The following PLEKHM2 variants were observed in gnomAD, a reference collection of about 807,000 sequenced individuals.
PLEKHM2 encodes the protein pleckstrin homology and RUN domain containing M2.
Under a neutral mutation model 116.3 loss-of-function variants are expected in PLEKHM2, and 77 were observed. That is an observed-to-expected ratio of 0.66 (90% CI 0.55 to 0.80). The LOEUF is 0.80. Among genes scored for constraint, PLEKHM2 ranks in the 30% least tolerant of loss-of-function variants. The probability of loss-of-function intolerance (pLI) is 0.00; values close to 1 mark genes in which losing one functional copy is unlikely to be tolerated. For synonymous variants in PLEKHM2, 562 were observed against 571.0 expected (o/e 0.98, Z 0.22); for missense variants, 1,183 against 1,354.9 (o/e 0.87, Z 1.99).
chr1:15,710,061 A>T (rs1641300158), intron 1 of PLEKHM2, among the ~76,000 whole-genome samples: 1 of 150,988 alleles, frequency 6.6e-6, no homozygotes, highest in African/African-American at 2.4e-5. Context: ...CATCTCCACT[A>T]AAAAAAATAC....
At chr1:15,724,632 C>G (rs1361218062) in intron 7 of PLEKHM2, among the ~76,000 whole-genome samples, 1 of 152,166 alleles carries the variant, frequency 6.6e-6, no homozygotes, top group African/African-American at 2.4e-5. Flanking sequence ...CCCCTTCGCA[C>G]CTTGCTCTCA....
intron 1 of PLEKHM2, among the ~76,000 whole-genome samples, chr1:15,696,540 G>A (rs1277542928): frequency 2.0e-5 from 3 of 152,010 alleles, no homozygotes; most frequent in Admixed American, 6.6e-5. Context: ...TAGTAGAGAC[G>A]GGGTTTCATC....
At chr1:15,712,151 A>G (rs1369257648) in intron 1 of PLEKHM2, among the ~76,000 whole-genome samples, 3 of 151,962 alleles carry the variant, frequency 2.0e-5, no homozygotes, top group Non-Finnish European at 4.4e-5. Flanking sequence ...AGCTGCAACA[A>G]ATAACAAAAA....
chr1:15,715,132 T>C (rs1008960868), intron 1 of PLEKHM2, among the ~76,000 whole-genome samples: 2 of 152,196 alleles, frequency 1.3e-5, no homozygotes, highest in African/African-American at 4.8e-5. Context: ...ATATCCAGCA[T>C]TGCAGGCAAT....
At position 15,719,470 on chromosome 1, in the gene PLEKHM2, TAGAG is replaced by T. The variant is rs367634718; in HGVS notation, c.466-252_466-249del. Among the ~76,000 whole-genome samples, 4,602 of 150,522 alleles carry T rather than the reference TAGAG, an allele frequency of 0.031. 238 individuals are homozygous for T. The highest frequency in any genetic ancestry group is 0.1 in the African/African-American group (4,301 of 41,024). ...TGTCTCAAAAAAAAAAATAAATAAATAGAGAGAGAGAGAGATAGCGGGGGCATCA... is the reference window on the plus strand; with the variant it reads ...TGTCTCAAAAAAAAAAATAAATAAATAGAGAGAGAGATAGCGGGGGCATCA... On this transcript the variant is annotated intron_variant, in intron 5 of 19. Transcript: ENST00000375799. This position sits in a 1 kb window ranked among gnomAD's most constrained non-coding sequence, Gnocchi z 4.1.
In PLEKHM2 at chr1:15,719,900, C is replaced by A; in HGVS notation, c.632C>A (p.Ala211Glu). 6.2e-7 allele frequency: 1 copy of A among 1,613,050 alleles called. No homozygotes were observed. Among genetic ancestry groups the A allele is most frequent in the Non-Finnish European group, 8.5e-7 (1 of 1,179,392 alleles). ...TSTNLEWDDS[A>E]IAPSSEDYDF... ...ACCAACCTGGAGTGGGATGACAGTG[C>A]GATTGCCCCATCTAGTGAGGGTGAG... The change falls in exon 6 of 20, where the codon GCG becomes GAG. Residue 211 changes from alanine (A) to glutamate (E), a missense_variant. Physicochemically the swap from Ala to Glu is moderately radical, Grantham distance 107. Transcript: ENST00000375799. The surrounding 1 kb of genome is among the most constrained non-coding windows in gnomAD (Gnocchi z 4.1).
At chr1:15,696,016 T>A (rs1193618194) in intron 1 of PLEKHM2, among the ~76,000 whole-genome samples, 14 of 151,424 alleles carry the variant, frequency 9.2e-5, no homozygotes, top group African/African-American at 1.9e-4. Context: ...AGTTTTGCCA[T>A]GTCGCCTAGG....
intron 17 of PLEKHM2, 73 bp from the exon 18 acceptor site, chr1:15,732,277 C>T (rs551423593): frequency 2.3e-6 from 3 of 1,293,344 alleles, no homozygotes; most frequent in African/African-American, 2.9e-5. Context: ...CTGGCTGGTC[C>T]CCTGGAGTGT....
In PLEKHM2 at chr1:15,717,915, C is replaced by T; in HGVS notation, c.300C>T (p.Ala100=). The T allele has an allele frequency of 3.8e-6, 6 of 1,597,706 alleles. No individual in the cohort carries two copies. The highest frequency in any genetic ancestry group is 2.6e-6 in the Non-Finnish European group (3 of 1,171,910). ...CAGGCCGTGCCTGGCTGTACCTGGC[C>T]CTCAACGAGAACTCCTTGGAGAGCT... ...LGRSRAWLYL[A]LNENSLESYL... The change falls in exon 4 of 20, where the codon GCC becomes GCT. Residue 100 remains alanine, a synonymous_variant. Coordinates refer to ENST00000375799, the MANE Select transcript of PLEKHM2 (RefSeq NM_015164.4).
chr1:15,709,553 T>C (rs1197141757), intron 1 of PLEKHM2, among the ~76,000 whole-genome samples: 3 of 152,064 alleles, frequency 2.0e-5, no homozygotes, highest in Non-Finnish European at 2.9e-5. Flanking sequence ...ATTTTGCAGA[T>C]GAGAAAAAAT....
chr1:15,710,607 G>GT (rs1397800785), intron 1 of PLEKHM2, among the ~76,000 whole-genome samples: 1 of 152,026 alleles, frequency 6.6e-6, no homozygotes, highest in African/African-American at 2.4e-5. Context: ...GATTACAGGC[G>GT]TAAGCCACTG....
Position 15,729,844 on chromosome 1 carries a change from A to G in PLEKHM2, c.2123A>G (p.Glu708Gly). 1 of 1,613,368 alleles carries G rather than the reference A, an allele frequency of 6.2e-7. No homozygotes were observed. ...TCAGCCATGATCAAAGGCTGTCGAG[A>G]ACCTCCCTACCCCAGCATCCTGACG... is the stretch of plus-strand genomic sequence containing the variant. ...LKSAMIKGCR[E>G]PPYPSILTDA... Residue 708 changes from glutamate to glycine, a missense_variant, in exon 14 of 20, where the codon GAA becomes GGA. Physicochemically the swap from Glu to Gly is moderately conservative, Grantham distance 98. Transcript: ENST00000375799. This position sits in a 1 kb window ranked among gnomAD's most constrained non-coding sequence, Gnocchi z 4.7.
At chr1:15,695,910 T>C (rs1186646597) in intron 1 of PLEKHM2, among the ~76,000 whole-genome samples, 1 of 151,884 alleles carries the variant, frequency 6.6e-6, no homozygotes, top group Non-Finnish European at 1.5e-5. Flanking sequence ...CAAGTAATCC[T>C]CCTACCTCAG....
At chr1:15,702,102 T>A (rs1431067074) in intron 1 of PLEKHM2, among the ~76,000 whole-genome samples, 2 of 152,166 alleles carry the variant, frequency 1.3e-5, no homozygotes, top group Non-Finnish European at 2.9e-5. Flanking sequence ...GGGATCTGCC[T>A]TGTAAGGGAG....
In PLEKHM2 at chr1:15,727,906, G is replaced by C. The variant is rs2068087800; in HGVS notation, c.1760+74G>C. The C allele has an allele frequency of 2.3e-6, 3 of 1,307,434 alleles. No individual in the cohort carries two copies. The highest frequency in any genetic ancestry group is 1.4e-5 in the South Asian group (1 of 71,898). The allele number at this position is 1,307,434 out of a possible 1,614,324, so 81.0% of individuals were successfully genotyped here. ...GGGGACACTGTGCCTCTGACCTCCAGATAAATTAAGCACTAGGAAGACCTA... is the reference window on the plus strand; with the variant it reads ...GGGGACACTGTGCCTCTGACCTCCACATAAATTAAGCACTAGGAAGACCTA... On this transcript the variant is annotated intron_variant, in intron 9 of 19. Transcript: ENST00000375799. The surrounding 1 kb of genome is among the most constrained non-coding windows in gnomAD (Gnocchi z 7.5).
Position 15,729,338 on chromosome 1 carries a change from CAGAG to C in PLEKHM2, c.2075+151_2075+154del. On this transcript the variant is annotated intron_variant, in intron 13 of 19. Coordinates refer to ENST00000375799, the MANE Select transcript of PLEKHM2 (RefSeq NM_015164.4). This position sits in a 1 kb window ranked among gnomAD's most constrained non-coding sequence, Gnocchi z 4.7. ...ATTCCCTCTGGAACCTGCATCTGCTCAGAGAGGCAGGCAAGTAGACGACAATCAT... is the reference window on the plus strand; with the variant it reads ...ATTCCCTCTGGAACCTGCATCTGCTCAGGCAGGCAAGTAGACGACAATCAT... 2 of 708,796 alleles carry C rather than the reference CAGAG, an allele frequency of 2.8e-6. No individual in the cohort carries two copies. The highest frequency in any genetic ancestry group is 2.7e-5 in the East Asian group (1 of 36,790). 43.9% of individuals were successfully genotyped at this position (708,796 alleles called of 1,614,324 possible). A position where few individuals can be genotyped will look rare whatever the true frequency, so the allele number is the denominator to read the frequency against.
chr1:15,724,951 C>T (rs150033080), intron 7 of PLEKHM2, among the ~76,000 whole-genome samples: 15 of 152,282 alleles, frequency 9.9e-5, no homozygotes, highest in African/African-American at 3.6e-4. Context: ...TGCAGCCTGG[C>T]TCCTCTCTAG....
In PLEKHM2 at chr1:15,721,443, A is replaced by T; in HGVS notation, c.712+55A>T. 9.3e-7 allele frequency: 1 copy of T among 1,072,406 alleles called. No individual in the cohort carries two copies. The highest frequency in any genetic ancestry group is 1.4e-6 in the Non-Finnish European group (1 of 714,206). The allele number at this position is 1,072,406 out of a possible 1,614,324, so 66.4% of individuals were successfully genotyped here. On this transcript the variant is annotated intron_variant, in intron 7 of 19. Transcript: ENST00000375799. This position sits in a 1 kb window ranked among gnomAD's most constrained non-coding sequence, Gnocchi z 5.1. Reference sequence around the variant, plus strand: ...TCCTGTTTTGCAATGTTTCCATGCCAAGCTTGCTGCATGTATCAAATCAGC... The same window carrying T: ...TCCTGTTTTGCAATGTTTCCATGCCTAGCTTGCTGCATGTATCAAATCAGC...
Position 15,733,898 on chromosome 1 carries a change from C to G in PLEKHM2, c.3024C>G (p.Leu1008=), listed in dbSNP as rs1342848467. ...IHSAWQRSDS[L]CRGRASRDPW... Reference sequence around the variant, plus strand: ...GCGCCTGGCAGCGGAGCGACAGTCTCTGCCGCGGCCGAGCCTCCCGAGACC... The same window carrying G: ...GCGCCTGGCAGCGGAGCGACAGTCTGTGCCGCGGCCGAGCCTCCCGAGACC... Residue 1008 remains leucine (L), a synonymous_variant, in exon 20 of 20, where the codon CTC becomes CTG. Coordinates refer to ENST00000375799, the MANE Select transcript of PLEKHM2 (RefSeq NM_015164.4). The G allele has an allele frequency of 6.2e-7, 1 of 1,612,846 alleles. No homozygotes were observed. Among genetic ancestry groups the G allele is most frequent in the Non-Finnish European group, 8.5e-7 (1 of 1,179,808 alleles).
Sources: allele counts gnomAD v4.1 joint callset (sites outside exome capture counted in the v4.1 genomes callset), GRCh38; gene constraint gnomAD v4.1.1; non-coding constraint Gnocchi (gnomAD v3.1); transcripts MANE v1.5; gene names NCBI Gene and HGNC (gene_info 2026-07-23, HGNC 2026-07-21).